KCNJ3: variants seen among roughly 807,000 people sequenced by gnomAD.
KCNJ3 encodes the protein potassium inwardly rectifying channel subfamily J member 3.
In KCNJ3, 4 loss-of-function variants were observed where a neutral mutation model predicts 39.2. The ratio of observed to expected loss-of-function variants is 0.10; its 90% CI spans 0.05 to 0.23. The LOEUF (loss-of-function observed/expected upper bound fraction) is 0.23. Among genes scored for constraint, KCNJ3 ranks in the 10% least tolerant of loss-of-function variants. The pLI is 1.00. For synonymous variants in KCNJ3, 230 were observed against 237.4 expected (o/e 0.97, Z 0.29); for missense variants, 276 against 634.9 (o/e 0.43, Z 6.08).
At chr2:154,835,484 TTC>T (rs1289344843) in intron 2 of KCNJ3, among the ~76,000 whole-genome samples, 2 of 109,514 alleles carry the variant, frequency 1.8e-5, no homozygotes, top group East Asian at 4.4e-4. Context: ...ATATATAATA[TTC>T]ATGAATATGA....
At chr2:154,722,627 A>G (rs886263815) in intron 2 of KCNJ3, among the ~76,000 whole-genome samples, 1 of 152,174 alleles carries the variant, frequency 6.6e-6, no homozygotes, top group African/African-American at 2.4e-5. Context: ...TGTGCACTTA[A>G]CTGTAAATGG....
In KCNJ3 at chr2:154,699,743, C is replaced by T. The variant is rs937259505; in HGVS notation, c.702+266C>T. Among the ~76,000 whole-genome samples, 2 of 152,114 alleles carry T rather than the reference C, an allele frequency of 1.3e-5. No individual in the cohort carries two copies. The highest frequency in any genetic ancestry group is 4.8e-5 in the African/African-American group (2 of 41,416). On this transcript the variant is annotated intron_variant, in intron 1 of 2. Transcript: ENST00000295101. This position sits in a 1 kb window ranked among gnomAD's most constrained non-coding sequence, Gnocchi z 6.4. ...TTACTGGACTAGTAACACGTGAGGA[C>T]TGCTGTTGGCTCCTGGAGCCATGAG...
At chr2:154,838,672 C>T (rs939956034) in intron 2 of KCNJ3, among the ~76,000 whole-genome samples, 1 of 152,172 alleles carries the variant, frequency 6.6e-6, no homozygotes. Context: ...ATTTTTATTA[C>T]CTATTTAAAT....
intron 2 of KCNJ3, among the ~76,000 whole-genome samples, chr2:154,836,082 C>A (rs899810349): frequency 1.3e-5 from 2 of 151,954 alleles, no homozygotes; most frequent in South Asian, 4.2e-4. Context: ...TGGTGGCATG[C>A]GCCTGTAGTC....
At chr2:154,838,537 G>A (rs1687511914) in intron 2 of KCNJ3, among the ~76,000 whole-genome samples, 1 of 152,162 alleles carries the variant, frequency 6.6e-6, no homozygotes, top group Non-Finnish European at 1.5e-5. Flanking sequence ...TTAGGATCCA[G>A]CACGTATGTT....
At chr2:154,737,787 G>A (rs1017899453) in intron 2 of KCNJ3, among the ~76,000 whole-genome samples, 11 of 152,150 alleles carry the variant, frequency 7.2e-5, no homozygotes, top group African/African-American at 2.6e-4. Context: ...TTCTTAAAGG[G>A]ACATCAGTCA....
At chr2:154,822,975 A>T (rs1238116359) in intron 2 of KCNJ3, among the ~76,000 whole-genome samples, 1 of 151,562 alleles carries the variant, frequency 6.6e-6, no homozygotes, top group Non-Finnish European at 1.5e-5. Context: ...TGTAATTAAT[A>T]TATAGCATTA....
intron 2 of KCNJ3, among the ~76,000 whole-genome samples, chr2:154,802,226 G>T (rs945281618): frequency 7.3e-5 from 11 of 151,196 alleles, no homozygotes; most frequent in African/African-American, 2.7e-4. Context: ...TCTCTTATGC[G>T]CTACCTGTAG....
chr2:154,743,602 T>C (rs1400530009), intron 2 of KCNJ3, among the ~76,000 whole-genome samples: 1 of 151,650 alleles, frequency 6.6e-6, no homozygotes, highest in Non-Finnish European at 1.5e-5. Context: ...GCTGTATTTT[T>C]TTTTGTTTTA....
intron 2 of KCNJ3, among the ~76,000 whole-genome samples, chr2:154,761,954 G>A (rs1239849400): frequency 2.0e-5 from 3 of 152,066 alleles, no homozygotes; most frequent in Non-Finnish European, 4.4e-5. Context: ...TGTACCCAGT[G>A]ACATCACAGA....
intron 2 of KCNJ3, among the ~76,000 whole-genome samples, chr2:154,835,508 A>AAT (rs150666169): frequency 0.027 from 3,642 of 135,790 alleles, 165 homozygotes; most frequent in African/African-American, 0.093. Context: ...TATATATCAA[A>AAT]ATATATATAT....
intron 2 of KCNJ3, among the ~76,000 whole-genome samples, chr2:154,846,028 TA>T (rs1459592396): frequency 1.3e-5 from 2 of 151,674 alleles, no homozygotes; most frequent in African/African-American, 2.4e-5. Flanking sequence ...ATTAAAGTAA[TA>T]ATAGGATAGG....
At chr2:154,836,705 T>G (rs1419125274) in intron 2 of KCNJ3, among the ~76,000 whole-genome samples, 2 of 152,202 alleles carry the variant, frequency 1.3e-5, no homozygotes, top group East Asian at 3.8e-4. Context: ...TATAGGGAAT[T>G]TATTTTTCAC....
intron 2 of KCNJ3, among the ~76,000 whole-genome samples, chr2:154,769,407 AT>A (rs1686197025): frequency 1.3e-5 from 2 of 152,198 alleles, no homozygotes; most frequent in South Asian, 4.1e-4. Context: ...GGGCTGTTGA[AT>A]TTTTTTGAAG....
intron 2 of KCNJ3, among the ~76,000 whole-genome samples, chr2:154,769,854 A>T (rs1385881992): frequency 6.6e-6 from 1 of 152,138 alleles, no homozygotes; most frequent in Non-Finnish European, 1.5e-5. Flanking sequence ...ATGTTGGGAT[A>T]GTATATACAG....
Position 154,710,810 on chromosome 2 carries a change from C to T in KCNJ3, c.919+991C>T, listed in dbSNP as rs1350999811. On this transcript the variant is annotated intron_variant, in intron 2 of 2. Coordinates refer to ENST00000295101, the MANE Select transcript of KCNJ3 (RefSeq NM_002239.4). ...TGGCAATACTACAGATAAATTCAAG[C>T]TTTATACCAAGGTGGAAGATCCTCA... 1.5e-4 allele frequency among the ~76,000 whole-genome samples: 23 copies of T among 152,056 alleles called. No homozygotes were observed. In the East Asian group the frequency reaches 4.2e-3, roughly 28 times the overall value.
chr2:154,829,239 G>A (rs1453132257), intron 2 of KCNJ3, among the ~76,000 whole-genome samples: 3 of 152,102 alleles, frequency 2.0e-5, no homozygotes, highest in Non-Finnish European at 4.4e-5. Context: ...GATAATGAGC[G>A]TAGTACCCAA....
intron 1 of KCNJ3, among the ~76,000 whole-genome samples, chr2:154,704,764 G>A (rs1314582215): frequency 6.6e-6 from 1 of 152,122 alleles, no homozygotes; most frequent in African/African-American, 2.4e-5. Context: ...TTTTGTTCCT[G>A]ATTCTGGTAC....
At chr2:154,805,385 C>G (rs1437246352) in intron 2 of KCNJ3, among the ~76,000 whole-genome samples, 2 of 152,088 alleles carry the variant, frequency 1.3e-5, no homozygotes, top group South Asian at 2.1e-4. Flanking sequence ...AAGGAGAAAT[C>G]TTGTGAAGTA....
Sources: gnomAD v4.1 joint callset for allele counts (sites outside exome capture counted in the v4.1 genomes callset) on GRCh38, gnomAD v4.1.1 for gene constraint, Gnocchi (gnomAD v3.1) non-coding constraint, MANE v1.5 for transcripts, NCBI Gene and HGNC (gene_info 2026-07-23, HGNC 2026-07-21) for gene names.